The following IMMP2L variants were observed in gnomAD, a reference collection of about 807,000 sequenced individuals.
The protein encoded by IMMP2L is inner mitochondrial membrane peptidase subunit 2, also known as mitochondrial inner membrane protease subunit 2.
Under a neutral mutation model 19.3 loss-of-function variants are expected in IMMP2L, and 18 were observed. That is an observed-to-expected ratio of 0.93 (90% CI 0.64 to 1.38). The LOEUF (loss-of-function observed/expected upper bound fraction) is 1.38. IMMP2L is among the 40% of genes most tolerant of loss of function. The probability of loss-of-function intolerance (pLI) is 0.00; values close to 1 mark genes in which losing one functional copy is unlikely to be tolerated. For missense variants in IMMP2L, 233 were observed against 218.2 expected, an observed-to-expected ratio of 1.07 and a Z score of -0.43; for synonymous variants, 76 against 73.0, an observed-to-expected ratio of 1.04 and a Z score of -0.21.
At position 110,696,668 on chromosome 7, in the gene IMMP2L, C is replaced by T. The variant is rs573055627; in HGVS notation, c.409-32947G>A. Among the ~76,000 whole-genome samples, 9 of 152,120 alleles carry T rather than the reference C, an allele frequency of 5.9e-5. No individual in the cohort carries two copies. The South Asian group carries it at 8.3e-4, about 14-fold the overall frequency. On this transcript the variant is annotated intron_variant, in intron 5 of 5. Transcript: ENST00000405709. ...CTCAAACTCCTGACCTCAGGTAATC[C>T]GCAAACCTCAGCCTCCCAGAATGCT...
At chr7:110,772,292 G>A (rs1243053727) in intron 5 of IMMP2L, among the ~76,000 whole-genome samples, 1 of 152,164 alleles carries the variant, frequency 6.6e-6, no homozygotes, top group African/African-American at 2.4e-5. Flanking sequence ...TCCCACATCT[G>A]TGGGTAATGC....
intron 3 of IMMP2L, among the ~76,000 whole-genome samples, chr7:111,205,426 C>A (rs1382442161): frequency 6.6e-6 from 1 of 152,098 alleles, no homozygotes. Flanking sequence ...CTACAGTTGT[C>A]CAAAGAACTT....
At chr7:111,320,763 G>A (rs1337216130) in intron 3 of IMMP2L, among the ~76,000 whole-genome samples, 3 of 152,030 alleles carry the variant, frequency 2.0e-5, no homozygotes, top group African/African-American at 4.8e-5. Context: ...AACATTGTTA[G>A]ACTTCTCCAG....
At chr7:110,666,288 CT>C (rs1012422508) in intron 5 of IMMP2L, among the ~76,000 whole-genome samples, 6 of 151,364 alleles carry the variant, frequency 4.0e-5, no homozygotes, top group Non-Finnish European at 8.8e-5. Context: ...TGTTTGTTTG[CT>C]TTTGAGACAG....
chr7:110,738,106 G>A (rs1455727068), intron 5 of IMMP2L, among the ~76,000 whole-genome samples: 3 of 152,152 alleles, frequency 2.0e-5, no homozygotes, highest in African/African-American at 7.2e-5. Flanking sequence ...ACCCAAATGA[G>A]AAGAAAGCAG....
chr7:111,433,237 C>A (rs548483783), intron 3 of IMMP2L, among the ~76,000 whole-genome samples: 8 of 151,834 alleles, frequency 5.3e-5, no homozygotes, highest in Admixed American at 2.6e-4. Flanking sequence ...CTCACTATCA[C>A]GAGAACAGCA....
intron 5 of IMMP2L, among the ~76,000 whole-genome samples, chr7:110,826,512 A>T (rs1301118996): frequency 6.6e-6 from 1 of 152,202 alleles, no homozygotes; most frequent in Non-Finnish European, 1.5e-5. Flanking sequence ...CAGCCATAAA[A>T]AAGGATGAGT....
intron 4 of IMMP2L, among the ~76,000 whole-genome samples, chr7:110,941,370 G>C (rs1816715916): frequency 6.6e-6 from 1 of 151,984 alleles, no homozygotes; most frequent in East Asian, 1.9e-4. Context: ...AACTATAGAT[G>C]GTCTCAAATA....
chr7:111,561,127 T>C (rs187358452), intron 1 of IMMP2L, among the ~76,000 whole-genome samples: 26 of 152,222 alleles, frequency 1.7e-4, no homozygotes, highest in Admixed American at 1.1e-3. Flanking sequence ...AAGCAGTGTA[T>C]TAAAGAAGTG....
At chr7:110,783,050 G>A (rs1015371883) in intron 5 of IMMP2L, among the ~76,000 whole-genome samples, 11 of 151,958 alleles carry the variant, frequency 7.2e-5, no homozygotes, top group South Asian at 2.1e-4. Context: ...GGAAATGTGC[G>A]TTCTTGAGTA....
intron 5 of IMMP2L, among the ~76,000 whole-genome samples, chr7:110,667,458 T>C (rs1220316643): frequency 6.6e-6 from 1 of 152,234 alleles, no homozygotes; most frequent in Middle Eastern, 3.2e-3. Flanking sequence ...AGAATTAAGA[T>C]GCTAACCAGT....
At chr7:111,009,704 T>C (rs1411897709) in intron 3 of IMMP2L, among the ~76,000 whole-genome samples, 2 of 152,094 alleles carry the variant, frequency 1.3e-5, no homozygotes, top group South Asian at 2.1e-4. Flanking sequence ...AAAAAGGAAG[T>C]TAATCTTTGG....
At chr7:111,186,576 G>C (rs891437410) in intron 3 of IMMP2L, among the ~76,000 whole-genome samples, 3 of 151,920 alleles carry the variant, frequency 2.0e-5, no homozygotes, top group Non-Finnish European at 4.4e-5. Flanking sequence ...TTACAGGCAC[G>C]TGCCACCAAG....
At chr7:110,669,022 A>G (rs1233433784) in intron 5 of IMMP2L, among the ~76,000 whole-genome samples, 1 of 125,360 alleles carries the variant, frequency 8.0e-6, no homozygotes, top group East Asian at 2.6e-4. Flanking sequence ...AACTGAACCA[A>G]CAGTATGTGT....
At chr7:110,947,659 G>A (rs1357123525) in intron 4 of IMMP2L, among the ~76,000 whole-genome samples, 2 of 152,116 alleles carry the variant, frequency 1.3e-5, no homozygotes, top group African/African-American at 4.8e-5. Context: ...ATTCCAGTAT[G>A]TATTACTCAC....
At chr7:111,232,653 C>A (rs1813843541) in intron 3 of IMMP2L, among the ~76,000 whole-genome samples, 1 of 152,126 alleles carries the variant, frequency 6.6e-6, no homozygotes, top group Non-Finnish European at 1.5e-5. Flanking sequence ...TCACTCTTCA[C>A]ACTCTGAGTC....
chr7:111,298,004 CATTT>C (rs1480308676), intron 3 of IMMP2L, among the ~76,000 whole-genome samples: 6 of 151,940 alleles, frequency 3.9e-5, no homozygotes, highest in African/African-American at 1.5e-4. Flanking sequence ...AAAATGTATT[CATTT>C]GTCAAAACTC....
intron 3 of IMMP2L, among the ~76,000 whole-genome samples, chr7:111,007,560 C>G (rs1824431715): frequency 6.6e-6 from 1 of 152,046 alleles, no homozygotes; most frequent in Non-Finnish European, 1.5e-5. Context: ...GTTCAAATTC[C>G]CCAGGGCTCA....
At chr7:111,527,075 G>A (rs1461934534) in intron 1 of IMMP2L, among the ~76,000 whole-genome samples, 1 of 151,988 alleles carries the variant, frequency 6.6e-6, no homozygotes, top group Non-Finnish European at 1.5e-5. Flanking sequence ...TGAGACTCAG[G>A]AGACCTGAGG....
Sources: allele counts gnomAD v4.1 joint callset (sites outside exome capture counted in the v4.1 genomes callset), GRCh38; gene constraint gnomAD v4.1.1; transcripts MANE v1.5; gene names NCBI Gene and HGNC (gene_info 2026-07-23, HGNC 2026-07-21).